BMPER: variants seen among roughly 807,000 people sequenced by gnomAD.
The protein encoded by BMPER is BMP-binding endothelial regulator protein.
BMPER carries 45 observed loss-of-function variants against 87.3 expected under a neutral mutation model. The observed-to-expected ratio is 0.52, with a 90% confidence interval of 0.41 to 0.66. The LOEUF (loss-of-function observed/expected upper bound fraction) is 0.66, where lower values mean the gene tolerates loss of function less well. Ranked by LOEUF, BMPER falls within the 30% of genes least tolerant of loss-of-function variation. The pLI is 0.00. For missense variants in BMPER, 784 were observed against 867.5 expected, an observed-to-expected ratio of 0.90 and a Z score of 1.21; for synonymous variants, 326 against 316.2, an observed-to-expected ratio of 1.03 and a Z score of -0.33.
At chr7:34,133,411 G>A (rs1790643226) in intron 13 of BMPER, among the ~76,000 whole-genome samples, 1 of 151,572 alleles carries the variant, frequency 6.6e-6, no homozygotes, top group Admixed American at 6.6e-5. Flanking sequence ...CTGGGTTCTG[G>A]AAGGTGGTGT....
chr7:34,151,492 G>A (rs1791174690), intron 14 of BMPER, among the ~76,000 whole-genome samples: 2 of 152,218 alleles, frequency 1.3e-5, no homozygotes, highest in South Asian at 4.1e-4. Context: ...TGAATAGGAA[G>A]TTACCTTTGA....
At chr7:33,914,087 C>T (rs976254178) in intron 2 of BMPER, among the ~76,000 whole-genome samples, 1 of 151,666 alleles carries the variant, frequency 6.6e-6, no homozygotes, top group Non-Finnish European at 1.5e-5. Context: ...TCAGCCCTCC[C>T]GAGTAGCTGG....
intron 9 of BMPER, 60 bp from the exon 10 acceptor site, chr7:34,057,999 T>C (rs1788329029): frequency 8.8e-6 from 13 of 1,474,388 alleles, no homozygotes; most frequent in Non-Finnish European, 1.2e-5. Flanking sequence ...GGTTACAGTC[T>C]GTTGCCTCAA....
At chr7:34,121,159 A>G (rs1332093421) in intron 13 of BMPER, among the ~76,000 whole-genome samples, 2 of 152,034 alleles carry the variant, frequency 1.3e-5, no homozygotes, top group African/African-American at 4.8e-5. Flanking sequence ...AAGGGAAAAT[A>G]ATGGAAGTAG....
At chr7:34,050,458 T>G (rs1008557775) in intron 7 of BMPER, among the ~76,000 whole-genome samples, 8 of 152,192 alleles carry the variant, frequency 5.3e-5, no homozygotes, top group African/African-American at 1.9e-4. Context: ...GCATCTATAT[T>G]GTATCCTGGC....
chr7:34,088,024 G>A (rs769947828), intron 13 of BMPER, among the ~76,000 whole-genome samples: 54 of 152,212 alleles, frequency 3.5e-4, no homozygotes, highest in Non-Finnish European at 6.9e-4. Context: ...AGGTGGCCAG[G>A]CAAATGCTCC....
chr7:33,959,069 T>C (rs1020224520), intron 3 of BMPER, among the ~76,000 whole-genome samples: 3 of 152,214 alleles, frequency 2.0e-5, no homozygotes, highest in Admixed American at 2.0e-4. Context: ...TCCACCATAG[T>C]TGTGAGGCCT....
chr7:34,085,747 C>G lies in BMPER; in HGVS notation c.1409-9C>G. On this transcript the variant is annotated splice_polypyrimidine_tract_variant and intron_variant, in intron 12 of 14. Coordinates refer to ENST00000649409, the MANE Select transcript of BMPER (RefSeq NM_001365308.1). ...TGATTGATTTCCTTTTCCTCTCCTC[C>G]TCCTCTAGGTTTGGAAATATCTTGG... The G allele has an allele frequency of 6.2e-7, 1 of 1,610,148 alleles. No individual in the cohort carries two copies. Among genetic ancestry groups the G allele is most frequent in the Non-Finnish European group, 8.5e-7 (1 of 1,176,618 alleles).
chr7:33,937,195 A>T, intron 2 of BMPER, 94 bp from the exon 3 acceptor site: 1 of 1,326,598 alleles, frequency 7.5e-7, no homozygotes, highest in Non-Finnish European at 1.1e-6. Context: ...AAGGCCAGAT[A>T]AGAGTGGGGC....
At position 34,058,096 on chromosome 7, in the gene BMPER, G is replaced by T. The variant is rs528496792; in HGVS notation, c.965G>T (p.Cys322Phe). The change falls in exon 10 of 15, where the codon TGT (cysteine) becomes TTT (phenylalanine). Residue 322 changes from cysteine (C) to phenylalanine (F), a missense_variant. Cys to Phe is a radical substitution (Grantham distance 205). Coordinates refer to ENST00000649409, the MANE Select transcript of BMPER (RefSeq NM_001365308.1). ...TGGTCCTCTATCAATTGTACCATCTGTGCTTGTGTGAAAGGCAGGACGGAG... is the reference window on the plus strand; with the variant it reads ...TGGTCCTCTATCAATTGTACCATCTTTGCTTGTGTGAAAGGCAGGACGGAG... Reference protein sequence around the residue: ...EMWSSINCTICACVKGRTECR... With the variant: ...EMWSSINCTIFACVKGRTECR... 1 of 1,614,162 alleles carries T rather than the reference G, an allele frequency of 6.2e-7. No individual in the cohort carries two copies. The highest frequency in any genetic ancestry group is 1.7e-5 in the Admixed American group (1 of 60,022).
At chr7:33,984,478 G>A (rs1037159488) in intron 6 of BMPER, among the ~76,000 whole-genome samples, 25 of 151,916 alleles carry the variant, frequency 1.6e-4, no homozygotes, top group Admixed American at 1.6e-3. Context: ...AAAAAAAAGT[G>A]CTTATCCAGT....
intron 6 of BMPER, among the ~76,000 whole-genome samples, chr7:34,014,181 C>T (rs1418497190): frequency 5.3e-5 from 8 of 151,820 alleles, no homozygotes; most frequent in African/African-American, 1.9e-4. Flanking sequence ...ATAGCACCTA[C>T]AAAAAAGGCA....
chr7:33,961,774 T>G (rs949621367), intron 3 of BMPER, among the ~76,000 whole-genome samples: 2 of 152,136 alleles, frequency 1.3e-5, no homozygotes, highest in African/African-American at 4.8e-5. Context: ...CAGATTGCCT[T>G]AGTTGAGGAA....
At chr7:34,051,741 G>A (rs530918984) in intron 7 of BMPER, 120 bp from the exon 8 acceptor site, 1 of 848,044 alleles carries the variant, frequency 1.2e-6, no homozygotes, top group African/African-American at 1.7e-5. Context: ...CTCTATTTTT[G>A]TGCTCCAGAC....
Position 34,062,014 on chromosome 7 carries a change from A to G in BMPER, c.1045A>G (p.Asn349Asp). The G allele has an allele frequency of 6.2e-7, 1 of 1,610,202 alleles. No individual in the cohort carries two copies. ...ISSCPQGKIL[N>D]RKGCCPICTE... Reference sequence around the variant, plus strand: ...TTCTTCTGATTAGGGCAAAATTCTCAACAGAAAAGGATGCTGTCCTATTTG... The same window carrying G: ...TTCTTCTGATTAGGGCAAAATTCTCGACAGAAAAGGATGCTGTCCTATTTG... Residue 349 changes from asparagine to aspartate, a missense_variant, in exon 11 of 15, where the codon AAC (asparagine) becomes GAC (aspartate). Physicochemically the swap from Asn to Asp is conservative, Grantham distance 23 (BLOSUM62 1). Transcript: ENST00000649409.
intron 11 of BMPER, among the ~76,000 whole-genome samples, chr7:34,065,247 T>TCTCTCCCC (rs1349826938): frequency 1.4e-5 from 2 of 144,430 alleles, no homozygotes; most frequent in African/African-American, 5.1e-5. Context: ...TCTCTCTCTC[T>TCTCTCCCC]CCCTCTCTCT....
intron 14 of BMPER, among the ~76,000 whole-genome samples, chr7:34,149,433 G>A (rs1390624875): frequency 6.6e-6 from 1 of 152,136 alleles, no homozygotes; most frequent in African/African-American, 2.4e-5. Context: ...TTTGAAGTGG[G>A]GGACATCTGA....
At chr7:33,928,058 CT>C (rs1389157539) in intron 2 of BMPER, among the ~76,000 whole-genome samples, 5 of 152,290 alleles carry the variant, frequency 3.3e-5, no homozygotes, top group Non-Finnish European at 5.9e-5. Context: ...TCCTTCACCC[CT>C]GGCCTGCAGA....
chr7:34,066,952 C>T (rs1039310750), intron 11 of BMPER, among the ~76,000 whole-genome samples: 1 of 152,140 alleles, frequency 6.6e-6, no homozygotes, highest in Non-Finnish European at 1.5e-5. Flanking sequence ...GACGTGCATG[C>T]CCAGTCCCTG....
Sources: gnomAD v4.1 joint callset for allele counts (sites outside exome capture counted in the v4.1 genomes callset) on GRCh38, gnomAD v4.1.1 for gene constraint, MANE v1.5 for transcripts, NCBI Gene and HGNC (gene_info 2026-07-23, HGNC 2026-07-21) for gene names.